The following SYT16 variants were observed in gnomAD, a reference collection of about 807,000 sequenced individuals.
The protein encoded by SYT16 is synaptotagmin 16, also known as synaptotagmin-16.
SYT16 carries 42 observed loss-of-function variants against 61.4 expected under a neutral mutation model. The ratio of observed to expected loss-of-function variants is 0.68; its 90% CI spans 0.53 to 0.89. SYT16 has a LOEUF of 0.89. Ranked by LOEUF, SYT16 falls within the 40% of genes least tolerant of loss-of-function variation. The pLI, the probability that SYT16 is intolerant of heterozygous loss-of-function variation, is 0.00. For synonymous variants in SYT16, 314 were observed against 302.3 expected, an observed-to-expected ratio of 1.04 and a Z score of -0.40; for missense variants, 804 against 807.3, an observed-to-expected ratio of 1.00 and a Z score of 0.05.
chr14:62,044,826 C>T (rs114797960), intron 3 of SYT16, among the ~76,000 whole-genome samples: 54 of 152,202 alleles, frequency 3.5e-4, no homozygotes, highest in Admixed American at 6.5e-4. Flanking sequence ...CATATACCAG[C>T]GACAACTATT....
chr14:62,063,558 T>A (rs1379484765), intron 3 of SYT16, among the ~76,000 whole-genome samples: 2 of 152,136 alleles, frequency 1.3e-5, no homozygotes, highest in African/African-American at 4.8e-5. Flanking sequence ...TTAAACTCTG[T>A]CAGCTTGGCT....
At chr14:61,923,954 A>G (rs2049436584) in intron 1 of SYT16, among the ~76,000 whole-genome samples, 1 of 152,204 alleles carries the variant, frequency 6.6e-6, no homozygotes, top group Admixed American at 6.5e-5. Flanking sequence ...TTTTGTTTGC[A>G]GAAATGAATA....
At chr14:61,858,915 T>TC (rs2046869780) in intron 1 of SYT16, among the ~76,000 whole-genome samples, 4 of 151,250 alleles carry the variant, frequency 2.6e-5, no homozygotes, top group South Asian at 4.2e-4. Context: ...AGTGCGGCTG[T>TC]GCGATCTCGG....
intron 1 of SYT16, among the ~76,000 whole-genome samples, chr14:61,935,348 G>C (rs537413282): frequency 6.6e-6 from 1 of 152,142 alleles, no homozygotes; most frequent in African/African-American, 2.4e-5. Flanking sequence ...TGTCTTATTT[G>C]TTCCCTTTTC....
chr14:62,075,372 C>T lies in SYT16; in HGVS notation c.974C>T (p.Ser325Phe). The change falls in exon 5 of 8, where the codon TCC becomes TTC. Residue 325 changes from serine (S) to phenylalanine (F), a missense_variant. Ser to Phe is a radical substitution (Grantham distance 155). Coordinates refer to ENST00000683842, the MANE Select transcript of SYT16 (RefSeq NM_001367656.1). ...GFEDSYATDS[S>F]SMWSPEEQDR... is the part of the protein sequence containing the mutation. ...GAAGATTCCTATGCCACTGACAGCT[C>T]CTCCATGTGGAGTCCAGAGGCAAGT... 6.2e-7 allele frequency: 1 copy of T among 1,613,156 alleles called. No homozygotes were observed. The highest frequency in any genetic ancestry group is 8.5e-7 in the Non-Finnish European group (1 of 1,179,372).
At position 61,995,928 on chromosome 14, in the gene SYT16, A is replaced by G. The variant is rs923696837; in HGVS notation, c.-92A>G. The G allele has an allele frequency of 1.5e-6, 2 of 1,326,648 alleles. No individual in the cohort carries two copies. Among genetic ancestry groups the G allele is most frequent in the East Asian group, 2.4e-5 (1 of 41,904 alleles). The allele number at this position is 1,326,648 out of a possible 1,614,324, so 82.2% of individuals were successfully genotyped here. ...CAGCCATTAAGAGACCTCCAAATTA[A>G]TTTCTCAACATGCTTATTCTATAGT... On this transcript the variant is annotated 5_prime_UTR_variant, in exon 3 of 8. An upstream open reading frame in the 5' UTR loses its in-frame stop. Coordinates refer to ENST00000683842, the MANE Select transcript of SYT16 (RefSeq NM_001367656.1).
At chr14:61,865,156 G>A in intron 1 of SYT16, 1 of 1,232,008 alleles carries the variant, frequency 8.1e-7, no homozygotes, top group Non-Finnish European at 1.2e-6. Flanking sequence ...GCCGCTCCCT[G>A]CAGTTACTGG....
chr14:61,894,468 G>A (rs1594851958), intron 1 of SYT16, among the ~76,000 whole-genome samples: 1 of 152,258 alleles, frequency 6.6e-6, no homozygotes, highest in Middle Eastern at 3.4e-3. Context: ...GCAGCTCAAT[G>A]AGAGGTGATA....
chr14:62,003,729 A>G (rs1409910618), intron 3 of SYT16, among the ~76,000 whole-genome samples: 2 of 152,126 alleles, frequency 1.3e-5, no homozygotes, highest in Non-Finnish European at 2.9e-5. Flanking sequence ...GCTGAGGGAT[A>G]ATTGTGTAAA....
intron 1 of SYT16, among the ~76,000 whole-genome samples, chr14:61,938,358 A>G (rs998955591): frequency 2.0e-5 from 3 of 152,122 alleles, no homozygotes; most frequent in Non-Finnish European, 2.9e-5. Context: ...ACAGCTGCCC[A>G]GCTTGCCAGA....
At chr14:61,819,324 A>C (rs1490102320) in intron 1 of SYT16, among the ~76,000 whole-genome samples, 1 of 152,340 alleles carries the variant, frequency 6.6e-6, no homozygotes, top group East Asian at 1.9e-4. Flanking sequence ...TATTAAGATG[A>C]TAATCAAACT....
At chr14:61,923,521 C>T (rs1566683794) in intron 1 of SYT16, among the ~76,000 whole-genome samples, 1 of 152,144 alleles carries the variant, frequency 6.6e-6, no homozygotes, top group Non-Finnish European at 1.5e-5. Context: ...CCTGACCTCA[C>T]CACTAGATGA....
At chr14:61,944,815 G>T (rs1437853908) in intron 1 of SYT16, among the ~76,000 whole-genome samples, 8 of 152,082 alleles carry the variant, frequency 5.3e-5, no homozygotes, top group Non-Finnish European at 1.0e-4. Context: ...TACTATTCAG[G>T]ACATAGACAT....
At position 62,103,745 on chromosome 14, in the gene SYT16, A is replaced by G. The variant is rs1272133854; in HGVS notation, c.*3038A>G. 2.0e-5 allele frequency: 3 copies of G among 152,186 alleles called. No homozygotes were observed. Among genetic ancestry groups the G allele is most frequent in the Admixed American group, 6.5e-5 (1 of 15,282 alleles). The allele number at this position is 152,186 out of a possible 1,614,324, so 9.4% of individuals were successfully genotyped here. ...GGGGTGTCTTGCCTTCCCTAACATA[A>G]GAAGAATTTGTAATGTCTTTGGATG... On this transcript the variant is annotated 3_prime_UTR_variant, in exon 8 of 8. Coordinates refer to ENST00000683842, the MANE Select transcript of SYT16 (RefSeq NM_001367656.1).
At chr14:62,018,689 C>T (rs2053800679) in intron 3 of SYT16, among the ~76,000 whole-genome samples, 1 of 152,136 alleles carries the variant, frequency 6.6e-6, no homozygotes, top group Admixed American at 6.5e-5. Context: ...CTCCACATCT[C>T]CCCAGGGCTG....
intron 3 of SYT16, among the ~76,000 whole-genome samples, chr14:62,009,212 C>G (rs1162928966): frequency 6.6e-6 from 1 of 152,142 alleles, no homozygotes; most frequent in African/African-American, 2.4e-5. Context: ...CAAATGAGAA[C>G]ATGGGCAGTG....
At chr14:61,855,334 G>T (rs982701139) in intron 1 of SYT16, among the ~76,000 whole-genome samples, 20 of 152,156 alleles carry the variant, frequency 1.3e-4, no homozygotes, top group Non-Finnish European at 2.9e-5. Context: ...TGATGGGGTT[G>T]TGTCCTGATC....
At chr14:61,877,988 G>A (rs1451184513) in intron 1 of SYT16, among the ~76,000 whole-genome samples, 6 of 152,110 alleles carry the variant, frequency 3.9e-5, no homozygotes, top group African/African-American at 1.4e-4. Context: ...CTTGCCCTGG[G>A]CACACAGACA....
At chr14:62,091,601 G>A (rs1281310011) in intron 7 of SYT16, among the ~76,000 whole-genome samples, 1 of 152,154 alleles carries the variant, frequency 6.6e-6, no homozygotes, top group Non-Finnish European at 1.5e-5. Flanking sequence ...CATTCAAAGG[G>A]AAAAGGATAG....
Sources: allele counts gnomAD v4.1 joint callset (sites outside exome capture counted in the v4.1 genomes callset), GRCh38; gene constraint gnomAD v4.1.1; transcripts MANE v1.5; gene names NCBI Gene and HGNC (gene_info 2026-07-23, HGNC 2026-07-21).